The following DCP2 variants were observed in gnomAD, a reference collection of about 807,000 sequenced individuals.
The protein encoded by DCP2 is decapping mRNA 2, also known as m7GpppN-mRNA hydrolase.
DCP2 carries 30 observed loss-of-function variants against 56.1 expected under a neutral mutation model. The observed-to-expected ratio is 0.53, with a 90% CI of 0.40 to 0.73. The LOEUF (loss-of-function observed/expected upper bound fraction) is 0.73. DCP2 is among the 30% of genes least tolerant of loss of function. The pLI is 0.00. For missense variants in DCP2, 533 were observed against 502.7 expected (o/e 1.06, Z -0.58); for synonymous variants, 197 against 163.3 (o/e 1.21, Z -1.57).
intron 10 of DCP2, 61 bp from the exon 11 acceptor site, chr5:113,013,260 G>A: frequency 6.6e-7 from 1 of 1,522,194 alleles, no homozygotes; most frequent in Non-Finnish European, 8.9e-7. Flanking sequence ...AAGGCAAAGG[G>A]CAGTATTTGA....
chr5:112,977,447 C>T (rs936241926), intron 1 of DCP2, among the ~76,000 whole-genome samples: 7 of 152,158 alleles, frequency 4.6e-5, no homozygotes, highest in African/African-American at 9.7e-5. Flanking sequence ...GGTACGCGGA[C>T]CTGCGCAAGG....
chr5:112,983,800 C>T lies in DCP2; in HGVS notation c.54-2035C>T, dbSNP rs1348982802. ...AAAAAATCTGAATGGCTTCGATCTT[C>T]TCAATATCAAAATTGCAAGTTGGAA... On this transcript the variant is annotated intron_variant, in intron 1 of 10. Coordinates refer to ENST00000389063, the MANE Select transcript of DCP2 (RefSeq NM_152624.6). Among the ~76,000 whole-genome samples the T allele has an allele frequency of 4.6e-5, 7 of 152,172 alleles. No individual in the cohort carries two copies. In the East Asian group the frequency reaches 1.2e-3, roughly 25 times the overall value.
chr5:112,994,868 C>T (rs973831317), intron 4 of DCP2, among the ~76,000 whole-genome samples: 2 of 152,070 alleles, frequency 1.3e-5, no homozygotes, highest in Non-Finnish European at 1.5e-5. Context: ...GGAAAAAATT[C>T]TAAGGTGGTA....
At chr5:113,002,577 G>A (rs1030173104) in intron 7 of DCP2, among the ~76,000 whole-genome samples, 2 of 152,066 alleles carry the variant, frequency 1.3e-5, no homozygotes, top group South Asian at 2.1e-4. Context: ...GCTGGAGTAC[G>A]TGGCATGATC....
chr5:112,984,877 A>G (rs1748199461), intron 1 of DCP2, among the ~76,000 whole-genome samples: 1 of 151,188 alleles, frequency 6.6e-6, no homozygotes, highest in Admixed American at 6.6e-5. Context: ...GCTAATTTTT[A>G]AATTCCTTTG....
chr5:113,002,456 G>A (rs1749224196), intron 7 of DCP2, among the ~76,000 whole-genome samples: 1 of 151,736 alleles, frequency 6.6e-6, no homozygotes, highest in Non-Finnish European at 1.5e-5. Flanking sequence ...CAGAGATTGT[G>A]TATTATCAAG....
intron 8 of DCP2, among the ~76,000 whole-genome samples, chr5:113,005,151 G>GGTGTGTGTGTGTGTGTGT (rs56389236): frequency 0.01 from 1,558 of 149,504 alleles, 24 homozygotes; most frequent in African/African-American, 0.025. Context: ...TGTGCGTGTG[G>GGTGTGTGTGTGTGTGTGT]GTGTGTGTGT....
intron 4 of DCP2, among the ~76,000 whole-genome samples, chr5:112,994,273 G>A (rs1026771041): frequency 6.8e-5 from 10 of 146,874 alleles, no homozygotes; most frequent in African/African-American, 2.5e-4. Context: ...CTGGGCTCAA[G>A]CAATCCTCCT....
chr5:113,001,020 A>T, intron 4 of DCP2, 64 bp from the exon 5 acceptor site: 1 of 1,460,046 alleles, frequency 6.8e-7, no homozygotes, highest in Non-Finnish European at 9.2e-7. Flanking sequence ...CTTGGGAATA[A>T]ATTTTAATGA....
chr5:113,006,457 C>T (rs773862488), intron 8 of DCP2, among the ~76,000 whole-genome samples: 1 of 152,150 alleles, frequency 6.6e-6, no homozygotes, highest in African/African-American at 2.4e-5. Context: ...AATTAAAAAA[C>T]TGCTGGGAAG....
chr5:113,010,780 C>G lies in DCP2; in HGVS notation c.1072C>G (p.Arg358Gly), dbSNP rs776321450. 1 of 1,591,728 alleles carries G rather than the reference C, an allele frequency of 6.3e-7. No homozygotes were observed. The highest frequency in any genetic ancestry group is 8.5e-7 in the Non-Finnish European group (1 of 1,173,286). Residue 358 changes from arginine (R) to glycine (G), a missense_variant, in exon 10 of 11, where the codon CGG becomes GGG. Around this residue, in one of 3 missense-constraint regions of DCP2, gnomAD observed 392 missense variants for 346.6 expected, o/e 1.13. Coordinates refer to ENST00000389063, the MANE Select transcript of DCP2 (RefSeq NM_152624.6). ...GAAGTGTGAAAAGAAACTTCATCCA[C>G]GGAAACTTCAGGATAATTTTGAAAC... ...LMKCEKKLHP[R>G]KLQDNFETDA...
chr5:112,992,653 A>G lies in DCP2; in HGVS notation c.334-19A>G. ...GAAAAGGAGGGCAAGTTTGATTTTT[A>G]CTTCTGCTTGTTTTGTAGGTACTAC... On this transcript the variant is annotated intron_variant, in intron 3 of 10. Coordinates refer to ENST00000389063, the MANE Select transcript of DCP2 (RefSeq NM_152624.6). 1.3e-6 allele frequency: 2 copies of G among 1,541,880 alleles called. No individual in the cohort carries two copies. The highest frequency in any genetic ancestry group is 1.8e-6 in the Non-Finnish European group (2 of 1,137,694).
In DCP2 at chr5:113,018,027, T is replaced by A. The variant is rs1749961729; in HGVS notation, c.*4543T>A. The A allele has an allele frequency of 6.6e-6, 1 of 152,218 alleles. No individual in the cohort carries two copies. Among genetic ancestry groups the A allele is most frequent in the Admixed American group, 6.5e-5 (1 of 15,290 alleles). 9.4% of individuals were successfully genotyped at this position (152,218 alleles called of 1,614,324 possible). A position where few individuals can be genotyped will look rare whatever the true frequency, so the allele number is the denominator to read the frequency against. ...GAACTCCAGTCAAACTTCAGTGCAC[T>A]GCTTTCTTACAGGAAGACAACTCAG... is the stretch of plus-strand genomic sequence containing the variant. On this transcript the variant is annotated 3_prime_UTR_variant, in exon 11 of 11. Transcript: ENST00000389063.
chr5:112,991,153 A>G (rs1350406790), intron 2 of DCP2, among the ~76,000 whole-genome samples: 2 of 152,246 alleles, frequency 1.3e-5, no homozygotes, highest in African/African-American at 2.4e-5. Flanking sequence ...TATTTGATAC[A>G]TATGGTCATC....
chr5:112,991,107 AC>A (rs1188229854), intron 2 of DCP2, among the ~76,000 whole-genome samples: 11 of 152,178 alleles, frequency 7.2e-5, no homozygotes, highest in African/African-American at 2.4e-4. Context: ...TTAAAGTAGT[AC>A]TAGTACCAAT....
chr5:112,992,275 A>G, intron 3 of DCP2, 27 bp downstream of exon 3: 1 of 1,597,162 alleles, frequency 6.3e-7, no homozygotes, highest in Non-Finnish European at 8.5e-7. Context: ...AAAGATTTTT[A>G]GTGAAATGGT....
intron 1 of DCP2, among the ~76,000 whole-genome samples, 188 bp downstream of exon 1, chr5:112,977,174 T>C (rs1263445241): frequency 6.6e-6 from 1 of 152,140 alleles, no homozygotes; most frequent in Non-Finnish European, 1.5e-5. Flanking sequence ...AGCCTCCCTG[T>C]TTCTCAAGGC....
At chr5:112,994,163 C>CTTTTTTTTTTTTTT (rs771514208) in intron 4 of DCP2, among the ~76,000 whole-genome samples, 5 of 75,176 alleles carry the variant, frequency 6.7e-5, no homozygotes, top group African/African-American at 2.1e-4. Context: ...TTTTTTCTTT[C>CTTTTTTTTTTTTTT]TTTTTTTTTT....
intron 1 of DCP2, among the ~76,000 whole-genome samples, chr5:112,980,403 G>T (rs1162362166): frequency 2.0e-5 from 3 of 152,170 alleles, no homozygotes; most frequent in Admixed American, 6.5e-5. Context: ...TGTTAGTGTT[G>T]AATTCAACCG....
Sources: allele counts gnomAD v4.1 joint callset (sites outside exome capture counted in the v4.1 genomes callset), GRCh38; gene constraint gnomAD v4.1.1; regional missense constraint gnomAD v4.1.1; transcripts MANE v1.5; gene names NCBI Gene and HGNC (gene_info 2026-07-23, HGNC 2026-07-21).